The following AKAP19 variants were observed in gnomAD, a reference collection of about 807,000 sequenced individuals.
AKAP19 encodes the protein A-kinase anchoring protein 19.
the AKAP19 span, among the ~76,000 whole-genome samples, chr2:190,119,501 G>C: frequency 6.6e-6 from 1 of 152,166 alleles, no homozygotes; most frequent in Non-Finnish European, 1.5e-5. Flanking sequence ...GATACGTGGG[G>C]GTGGCCACGC....
the AKAP19 span, among the ~76,000 whole-genome samples, chr2:190,034,778 G>A: frequency 2.1e-5 from 3 of 144,640 alleles, no homozygotes; most frequent in East Asian, 2.1e-4. Flanking sequence ...CGCTTGAACC[G>A]GGGAGGCAGA....
At chr2:190,087,226 A>AATCAAGTC in the AKAP19 span, among the ~76,000 whole-genome samples, 1 of 152,328 alleles carries the variant, frequency 6.6e-6, no homozygotes, top group Admixed American at 6.5e-5. Context: ...TCTACCATTT[A>AATCAAGTC]ATCAAGTCAG....
the AKAP19 span, among the ~76,000 whole-genome samples, chr2:190,061,236 G>A: frequency 0.011 from 1,701 of 152,048 alleles, 25 homozygotes; most frequent in African/African-American, 0.039. Flanking sequence ...AAACTGTTTG[G>A]AGTCTTGTTT....
chr2:190,044,135 T>C, the AKAP19 span, among the ~76,000 whole-genome samples: 8 of 152,162 alleles, frequency 5.3e-5, no homozygotes, highest in Admixed American at 4.6e-4. Context: ...CCTTGAGTGC[T>C]GACTGTAGAT....
the AKAP19 span, among the ~76,000 whole-genome samples, chr2:190,195,600 A>G: frequency 6.6e-6 from 1 of 152,302 alleles, no homozygotes; most frequent in Non-Finnish European, 1.5e-5. Context: ...CCATTTTTCA[A>G]TTAGCTTGTT....
At chr2:190,132,306 A>G in the AKAP19 span, among the ~76,000 whole-genome samples, 1 of 152,200 alleles carries the variant, frequency 6.6e-6, no homozygotes, top group Admixed American at 6.5e-5. Flanking sequence ...TAAAATTTGT[A>G]TGGAACCACA....
the AKAP19 span, among the ~76,000 whole-genome samples, chr2:189,943,914 T>A: frequency 6.6e-6 from 1 of 152,260 alleles, no homozygotes; most frequent in Non-Finnish European, 1.5e-5. Context: ...GTTTACTCAG[T>A]GCTTATACCT....
At chr2:189,977,136 T>A in the AKAP19 span, among the ~76,000 whole-genome samples, 3 of 152,184 alleles carry the variant, frequency 2.0e-5, no homozygotes, top group African/African-American at 4.8e-5. Flanking sequence ...AACCATTTGG[T>A]TTTCTTCCTT....
the AKAP19 span, among the ~76,000 whole-genome samples, chr2:190,046,280 GT>G: frequency 6.1e-5 from 9 of 147,570 alleles, no homozygotes; most frequent in African/African-American, 1.2e-4. Flanking sequence ...TCTGTGATTT[GT>G]TTTTTTTTTA....
the AKAP19 span, among the ~76,000 whole-genome samples, chr2:190,179,995 G>A: frequency 1.3e-5 from 2 of 152,206 alleles, no homozygotes; most frequent in African/African-American, 4.8e-5. This position sits in a 1 kb window ranked among gnomAD's most constrained non-coding sequence, Gnocchi z 6.0. Flanking sequence ...CATGTTTTGA[G>A]GCAGTGGTAT....
chr2:190,066,980 T>C, the AKAP19 span, among the ~76,000 whole-genome samples: 10,474 of 152,198 alleles, frequency 0.069, 871 homozygotes, highest in African/African-American at 0.2. Flanking sequence ...TAAATTTGAT[T>C]AGGTGTGCCC....
chr2:189,932,356 C>T, the AKAP19 span, among the ~76,000 whole-genome samples: 30 of 148,220 alleles, frequency 2.0e-4, no homozygotes, highest in Middle Eastern at 3.6e-3. Flanking sequence ...TGCAGTGAGC[C>T]GAGATCGCAC....
the AKAP19 span, chr2:190,199,662 G>A: frequency 1.5e-6 from 2 of 1,353,644 alleles, no homozygotes; most frequent in Non-Finnish European, 1.9e-6. Flanking sequence ...TTTGCATTCT[G>A]TAACTTCAAA....
At chr2:190,094,521 C>T in the AKAP19 span, among the ~76,000 whole-genome samples, 44 of 152,308 alleles carry the variant, frequency 2.9e-4, no homozygotes, top group African/African-American at 1.0e-3. Context: ...TGCTTAAAAA[C>T]AGCAGGGGAG....
At chr2:190,164,701 A>T in the AKAP19 span, among the ~76,000 whole-genome samples, 2 of 152,196 alleles carry the variant, frequency 1.3e-5, no homozygotes, top group South Asian at 4.1e-4. Flanking sequence ...AATATATTTA[A>T]TCTGATATTT....
chr2:190,092,905 G>A, the AKAP19 span, among the ~76,000 whole-genome samples: 1 of 152,288 alleles, frequency 6.6e-6, no homozygotes, highest in East Asian at 1.9e-4. Flanking sequence ...TAAACTCTGT[G>A]AAGAGTTTTA....
the AKAP19 span, chr2:189,879,820 C>T: frequency 3.9e-5 from 6 of 152,358 alleles, no homozygotes; most frequent in East Asian, 1.2e-3. Context: ...GGGAGAAGGA[C>T]TTTTAAGGTA....
chr2:189,928,692 G>A, the AKAP19 span, among the ~76,000 whole-genome samples: 1 of 152,050 alleles, frequency 6.6e-6, no homozygotes, highest in Admixed American at 6.5e-5. Context: ...TACTATAGTT[G>A]AATGTCAAAT....
the AKAP19 span, chr2:190,199,737 T>A: frequency 1.3e-6 from 2 of 1,499,954 alleles, no homozygotes; most frequent in Non-Finnish European, 8.8e-7. Flanking sequence ...GGAACATTGA[T>A]TACTGAAGTG....
Sources: gnomAD v4.1 joint callset for allele counts (sites outside exome capture counted in the v4.1 genomes callset) on GRCh38, gnomAD v4.1.1 for gene constraint, Gnocchi (gnomAD v3.1) non-coding constraint, MANE v1.5 for transcripts, NCBI Gene and HGNC (gene_info 2026-07-23, HGNC 2026-07-21) for gene names.